The following GRID2 variants were observed in gnomAD, a reference collection of about 807,000 sequenced individuals.
GRID2 encodes the protein glutamate receptor ionotropic, delta-2.
A neutral mutation model predicts 114.8 loss-of-function variants in GRID2; 33 were observed. The observed-to-expected ratio is 0.29, with a 90% CI of 0.22 to 0.38. The LOEUF (loss-of-function observed/expected upper bound fraction) is 0.38, where lower values mean the gene tolerates loss of function less well. Among genes scored for constraint, GRID2 ranks in the 10% least tolerant of loss-of-function variants. The probability of loss-of-function intolerance (pLI) is 1.00; values close to 1 mark genes in which losing one functional copy is unlikely to be tolerated. For missense variants in GRID2, 1,184 were observed against 1,257.7 expected, an observed-to-expected ratio of 0.94 and a Z score of 0.89; for synonymous variants, 505 against 449.9, an observed-to-expected ratio of 1.12 and a Z score of -1.55.
At chr4:93,086,412 G>A (rs1037384762) in intron 3 of GRID2, among the ~76,000 whole-genome samples, 5 of 152,174 alleles carry the variant, frequency 3.3e-5, no homozygotes, top group African/African-American at 1.2e-4. Context: ...CAATAGAATT[G>A]AGAACAAACA....
chr4:93,050,800 C>A (rs1392427258), intron 2 of GRID2, among the ~76,000 whole-genome samples: 1 of 151,906 alleles, frequency 6.6e-6, no homozygotes, highest in East Asian at 1.9e-4. Flanking sequence ...ATATTGAAAG[C>A]CTTCCACTGC....
chr4:93,123,680 G>C (rs1029873411), intron 4 of GRID2, among the ~76,000 whole-genome samples: 5 of 152,026 alleles, frequency 3.3e-5, no homozygotes, highest in Non-Finnish European at 5.9e-5. Context: ...AGAAAACAAA[G>C]TTGCTACCTG....
intron 1 of GRID2, among the ~76,000 whole-genome samples, chr4:92,485,348 A>AGTGT (rs377083429): frequency 8.1e-5 from 4 of 49,508 alleles, no homozygotes; most frequent in African/African-American, 1.6e-4. Flanking sequence ...ATATATATAT[A>AGTGT]GTGTGTGTGT....
At chr4:93,563,942 A>G (rs2149568476) in intron 13 of GRID2, among the ~76,000 whole-genome samples, 1 of 152,126 alleles carries the variant, frequency 6.6e-6, no homozygotes, top group Middle Eastern at 3.4e-3. Flanking sequence ...AAATCTGTAA[A>G]TTAAATAATG....
intron 14 of GRID2, among the ~76,000 whole-genome samples, chr4:93,751,862 C>G (rs1229132317): frequency 6.6e-6 from 1 of 152,166 alleles, no homozygotes; most frequent in East Asian, 1.9e-4. Context: ...CTTGCCGCCT[C>G]CTTATTTTCC....
chr4:92,514,657 C>T (rs1318117238), intron 1 of GRID2, among the ~76,000 whole-genome samples: 1 of 151,848 alleles, frequency 6.6e-6, no homozygotes, highest in Non-Finnish European at 1.5e-5. Context: ...AATTACACTT[C>T]TATAGCAATT....
rs370137393 is a variant in GRID2 at position 92,305,083 on chromosome 4, AT to A, written c.88+347del. On this transcript the variant is annotated intron_variant, in intron 1 of 15. Transcript: ENST00000282020. ...AGTTTAATTGACTCTTATCTTCCAT[AT>A]TTTTTTTCCCGGATGTACATTTGCT... 3.1e-3 allele frequency among the ~76,000 whole-genome samples: 469 copies of A among 150,634 alleles called. 4 individuals carry two copies. Among genetic ancestry groups the A allele is most frequent in the African/African-American group, 0.011 (443 of 40,940 alleles).
chr4:93,123,924 C>G (rs1008899758), intron 4 of GRID2, among the ~76,000 whole-genome samples: 3 of 128,974 alleles, frequency 2.3e-5, no homozygotes, highest in African/African-American at 9.0e-5. Context: ...CAAAAACAAA[C>G]GGAGTAGTTA....
At chr4:92,863,436 A>G (rs1483936072) in intron 2 of GRID2, among the ~76,000 whole-genome samples, 2 of 152,094 alleles carry the variant, frequency 1.3e-5, no homozygotes, top group Admixed American at 6.6e-5. Context: ...TAGTTTATAA[A>G]TTCAGGCAAC....
Position 93,490,670 on chromosome 4 carries a change from C to G in GRID2, c.1890C>G (p.Thr630=). 6.2e-7 allele frequency: 1 copy of G among 1,610,776 alleles called. No individual in the cohort carries two copies. Among genetic ancestry groups the G allele is most frequent in the Non-Finnish European group, 8.5e-7 (1 of 1,177,674 alleles). Reference sequence around the variant, plus strand: ...AAGTCCCGTACACGACTCTGGCTACCCGAATGATGATGGGGGCTTGGTGGC... The same window carrying G: ...AAGTCCCGTACACGACTCTGGCTACGCGAATGATGATGGGGGCTTGGTGGC... ...GGEVPYTTLA[T]RMMMGAWWLF... The change falls in exon 12 of 16, where the codon ACC becomes ACG. Residue 630 remains threonine (T), a synonymous_variant. Transcript: ENST00000282020.
At chr4:92,883,204 C>T (rs953216009) in intron 2 of GRID2, among the ~76,000 whole-genome samples, 1 of 152,152 alleles carries the variant, frequency 6.6e-6, no homozygotes, top group Non-Finnish European at 1.5e-5. Flanking sequence ...GAGTAGATTC[C>T]ACCTCAAGAA....
intron 2 of GRID2, among the ~76,000 whole-genome samples, chr4:92,666,030 G>T (rs569982984): frequency 6.6e-6 from 1 of 150,858 alleles, no homozygotes; most frequent in African/African-American, 2.4e-5. Context: ...CTTCTCCTTC[G>T]GAGACTACTA....
chr4:92,817,702 C>CTT (rs112928641), intron 2 of GRID2, among the ~76,000 whole-genome samples: 3 of 142,258 alleles, frequency 2.1e-5, no homozygotes, highest in East Asian at 2.0e-4. Flanking sequence ...AGATATTTGG[C>CTT]TTTTTTTTTT....
intron 1 of GRID2, among the ~76,000 whole-genome samples, chr4:92,334,840 G>T (rs1364461201): frequency 6.6e-6 from 1 of 152,188 alleles, no homozygotes; most frequent in African/African-American, 2.4e-5. Flanking sequence ...AACAAAGCCA[G>T]CATGCAGAAC....
At chr4:93,256,446 A>C (rs1749600502) in intron 8 of GRID2, among the ~76,000 whole-genome samples, 1 of 151,696 alleles carries the variant, frequency 6.6e-6, no homozygotes, top group South Asian at 2.1e-4. Flanking sequence ...TTTTGGTCAC[A>C]ATGTAGTCAC....
intron 1 of GRID2, among the ~76,000 whole-genome samples, chr4:92,367,427 T>A (rs1728922270): frequency 6.6e-6 from 1 of 151,916 alleles, no homozygotes; most frequent in African/African-American, 2.4e-5. Flanking sequence ...GGAAAAGTGG[T>A]TTGATATTTC....
chr4:92,965,668 G>C (rs1249947295), intron 2 of GRID2, among the ~76,000 whole-genome samples: 1 of 151,668 alleles, frequency 6.6e-6, no homozygotes, highest in Non-Finnish European at 1.5e-5. Context: ...TTGTTGCAAT[G>C]GAGTGATGAT....
chr4:93,164,725 AT>A, intron 4 of GRID2: 1 of 438,954 alleles, frequency 2.3e-6, no homozygotes, highest in Non-Finnish European at 4.6e-6. Context: ...TTTTCCTTTC[AT>A]TTTTCAGATG....
intron 2 of GRID2, among the ~76,000 whole-genome samples, chr4:92,941,395 C>G (rs1042242164): frequency 2.0e-5 from 3 of 152,102 alleles, no homozygotes; most frequent in Non-Finnish European, 4.4e-5. Flanking sequence ...GTCTGTATTT[C>G]TTTGGGATTG....
Sources: gnomAD v4.1 joint callset for allele counts (sites outside exome capture counted in the v4.1 genomes callset) on GRCh38, gnomAD v4.1.1 for gene constraint, MANE v1.5 for transcripts, NCBI Gene and HGNC (gene_info 2026-07-23, HGNC 2026-07-21) for gene names.